SLC6A17: variants seen among roughly 807,000 people sequenced by gnomAD.
SLC6A17 encodes sodium-dependent neutral amino acid transporter SLC6A17.
In SLC6A17, 21 loss-of-function variants were observed where a neutral mutation model predicts 64.5. That is an observed-to-expected ratio of 0.33 (90% CI 0.23 to 0.47). SLC6A17 has a LOEUF of 0.47. Among genes scored for constraint, SLC6A17 ranks in the 20% least tolerant of loss-of-function variants. SLC6A17 has a pLI of 1.00. For missense variants in SLC6A17, 682 were observed against 963.2 expected (o/e 0.71, Z 3.86); for synonymous variants, 372 against 399.5 (o/e 0.93, Z 0.82).
chr1:110,151,417 G>T (rs888604718), intron 1 of SLC6A17, among the ~76,000 whole-genome samples: 35 of 152,374 alleles, frequency 2.3e-4, no homozygotes, highest in African/African-American at 7.9e-4. Flanking sequence ...CCTGGGGCTG[G>T]TCCTCGCTGG....
At chr1:110,175,920 A>G (rs957556499) in intron 5 of SLC6A17, among the ~76,000 whole-genome samples, 55 of 152,322 alleles carry the variant, frequency 3.6e-4, no homozygotes, top group African/African-American at 1.3e-3. Context: ...ATGGAGGCTC[A>G]TGGAGGTTAA....
intron 1 of SLC6A17, among the ~76,000 whole-genome samples, chr1:110,154,507 C>T (rs139717084): frequency 6.6e-6 from 1 of 152,288 alleles, no homozygotes; most frequent in East Asian, 1.9e-4. Context: ...ACAAACATAA[C>T]CAAACGTCCA....
chr1:110,194,491 C>T (rs1350151020), intron 8 of SLC6A17, 88 bp from the exon 9 acceptor site: 8 of 1,409,028 alleles, frequency 5.7e-6, no homozygotes, highest in Non-Finnish European at 7.8e-6. Flanking sequence ...AATAGTTATT[C>T]CAAAAGTTTG....
intron 1 of SLC6A17, among the ~76,000 whole-genome samples, chr1:110,158,971 C>T (rs1054735082): frequency 6.6e-6 from 1 of 152,132 alleles, no homozygotes; most frequent in African/African-American, 2.4e-5. Context: ...AAGAAAGTGC[C>T]AGCATCAAAG....
At chr1:110,196,744 A>G (rs2100952620) in intron 10 of SLC6A17, among the ~76,000 whole-genome samples, 1 of 152,344 alleles carries the variant, frequency 6.6e-6, no homozygotes, top group Middle Eastern at 3.4e-3. Flanking sequence ...TACAAGATCT[A>G]GCTATAGATC....
chr1:110,156,836 C>A (rs540613668), intron 1 of SLC6A17, among the ~76,000 whole-genome samples: 2 of 152,174 alleles, frequency 1.3e-5, no homozygotes, highest in Non-Finnish European at 2.9e-5. Flanking sequence ...ATCACTATTC[C>A]TTCAAGAGCT....
Position 110,163,740 on chromosome 1 carries a change from C to T in SLC6A17, c.-87-3103C>T, listed in dbSNP as rs77035816. ...TCCCCAGCACACCTCTCCCTGTCTC[C>T]GCCTCTCATTCTGCCCCGGGGCTCT... On this transcript the variant is annotated intron_variant, in intron 1 of 11. Coordinates refer to ENST00000331565, the MANE Select transcript of SLC6A17 (RefSeq NM_001010898.4). 1.0e-3 allele frequency among the ~76,000 whole-genome samples: 159 copies of T among 152,320 alleles called. 2 individuals are homozygous for T. The highest frequency in any genetic ancestry group is 3.3e-3 in the African/African-American group (137 of 41,570).
chr1:110,167,596 T>C (rs540979931), intron 2 of SLC6A17, among the ~76,000 whole-genome samples: 3 of 152,324 alleles, frequency 2.0e-5, no homozygotes, highest in East Asian at 1.9e-4. Context: ...ACACGCTACC[T>C]GACACGGTAA....
chr1:110,192,394 C>G lies in SLC6A17; in HGVS notation c.1107-112C>G. 1 of 1,453,580 alleles carries G rather than the reference C, an allele frequency of 6.9e-7. No individual in the cohort carries two copies. The highest frequency in any genetic ancestry group is 9.3e-7 in the Non-Finnish European group (1 of 1,074,430). The allele number at this position is 1,453,580 out of a possible 1,614,324, so 90.0% of individuals were successfully genotyped here. A position where few individuals can be genotyped will look rare whatever the true frequency, so the allele number is the denominator to read the frequency against. On this transcript the variant is annotated intron_variant, in intron 7 of 11. Transcript: ENST00000331565. The surrounding 1 kb of genome is among the most constrained non-coding windows in gnomAD (Gnocchi z 4.3). ...GCCACAGGGACAAGCTCAGAGATGC[C>G]TCTGTCAGTGACCCATGAGGTTCCC... is the stretch of plus-strand genomic sequence containing the variant.
rs1245103640 is a variant in SLC6A17, at chr1:110,154,312, C to CT, written c.-88+3430dup. On this transcript the variant is annotated intron_variant, in intron 1 of 11. Transcript: ENST00000331565. ...GAGTGGCAACTAGAGAATTGGAACT[C>CT]TATCAGTCCAAACTTCATGTTCCTA... is the stretch of plus-strand genomic sequence containing the variant. 4.6e-5 allele frequency among the ~76,000 whole-genome samples: 7 copies of CT among 152,316 alleles called. No individual in the cohort carries two copies. In the East Asian group the frequency reaches 9.6e-4, roughly 21 times the overall value.
rs1419898985 is a variant in SLC6A17 at position 110,202,100 on chromosome 1, C to CA, written c.*3660dup. 1.3e-5 allele frequency: 2 copies of CA among 152,220 alleles called. No homozygotes were observed. Among genetic ancestry groups the CA allele is most frequent in the East Asian group, 3.9e-4 (2 of 5,172 alleles). The allele number at this position is 152,220 out of a possible 1,614,324, so 9.4% of individuals were successfully genotyped here. On this transcript the variant is annotated 3_prime_UTR_variant, in exon 12 of 12. Transcript: ENST00000331565. ...CCCATGGCTGGTCAGAGCCCTGGGT[C>CA]AAAACCACTCAGCCCAGGGGAGGGG...
chr1:110,182,359 T>A (rs1216392574), intron 6 of SLC6A17, among the ~76,000 whole-genome samples: 2 of 152,132 alleles, frequency 1.3e-5, no homozygotes, highest in South Asian at 4.1e-4. Context: ...CTTTTGGACA[T>A]GGCAGGCTTA....
chr1:110,171,109 G>A (rs1244933286), intron 2 of SLC6A17, among the ~76,000 whole-genome samples: 2 of 152,320 alleles, frequency 1.3e-5, no homozygotes, highest in East Asian at 3.9e-4. Context: ...CATGTGGGAT[G>A]TTATGTTATG....
At position 110,198,674 on chromosome 1, in the gene SLC6A17, C is replaced by T. The variant is rs1557843578; in HGVS notation, c.*230C>T. 3.0e-6 allele frequency: 2 copies of T among 661,192 alleles called. No homozygotes were observed. The highest frequency in any genetic ancestry group is 4.7e-6 in the Non-Finnish European group (2 of 421,656). The allele number at this position is 661,192 out of a possible 1,614,324, so 41.0% of individuals were successfully genotyped here. ...CTAATTCAGGACCCCACTCATCTAGCCCTCCAAGAGCCTCCGCCAAATTGT... is the reference window on the plus strand; with the variant it reads ...CTAATTCAGGACCCCACTCATCTAGTCCTCCAAGAGCCTCCGCCAAATTGT... On this transcript the variant is annotated 3_prime_UTR_variant, in exon 12 of 12. Transcript: ENST00000331565.
In SLC6A17 at chr1:110,167,010, C is replaced by G. The variant is rs551106795; in HGVS notation, c.81C>G (p.Leu27=). The G allele has an allele frequency of 1.8e-4, 298 of 1,613,136 alleles. 5 individuals carry two copies. The South Asian group carries it at 3.2e-3, about 17-fold the overall frequency. Reference sequence around the variant, plus strand: ...AGTCCGTGGCCGACCTGCTGGCCCTCGAGGAGCCTGTGGACTATAAGCAGA... The same window carrying G: ...AGTCCGTGGCCGACCTGCTGGCCCTGGAGGAGCCTGTGGACTATAAGCAGA... ...VTESVADLLA[L]EEPVDYKQSV... is the part of the protein sequence containing the mutation. The change falls in exon 2 of 12, where the codon CTC becomes CTG. Residue 27 remains leucine, a synonymous_variant. Transcript: ENST00000331565.
intron 1 of SLC6A17, among the ~76,000 whole-genome samples, chr1:110,151,261 G>A (rs998383513): frequency 1.3e-5 from 2 of 152,208 alleles, no homozygotes; most frequent in Non-Finnish European, 2.9e-5. Flanking sequence ...TTGAAACTGC[G>A]CGCCCAGGGC....
chr1:110,171,848 G>T (rs1656233263), intron 2 of SLC6A17, among the ~76,000 whole-genome samples: 1 of 152,160 alleles, frequency 6.6e-6, no homozygotes, highest in South Asian at 2.1e-4. Context: ...TTTCGGGTCA[G>T]GGGAGTCAAG....
At chr1:110,165,240 A>G (rs1656015134) in intron 1 of SLC6A17, among the ~76,000 whole-genome samples, 1 of 152,150 alleles carries the variant, frequency 6.6e-6, no homozygotes, top group African/African-American at 2.4e-5. Context: ...TCACTTGTGT[A>G]GCACAGGCAA....
chr1:110,161,256 A>G (rs1294636915), intron 1 of SLC6A17, among the ~76,000 whole-genome samples: 1 of 152,184 alleles, frequency 6.6e-6, no homozygotes, highest in African/African-American at 2.4e-5. Context: ...AATTAGGAGA[A>G]CAGTTTGGGC....
Sources: gnomAD v4.1 joint callset for allele counts (sites outside exome capture counted in the v4.1 genomes callset) on GRCh38, gnomAD v4.1.1 for gene constraint, Gnocchi (gnomAD v3.1) non-coding constraint, MANE v1.5 for transcripts, NCBI Gene and HGNC (gene_info 2026-07-23, HGNC 2026-07-21) for gene names.